POLH: variants seen among roughly 807,000 people sequenced by gnomAD.
POLH encodes DNA polymerase eta.
POLH carries 53 observed loss-of-function variants against 73.6 expected under a neutral mutation model. That is an observed-to-expected ratio of 0.72 (90% confidence interval 0.58 to 0.91). POLH has a LOEUF of 0.91. Ranked by LOEUF, POLH falls within the 40% of genes least tolerant of loss-of-function variation. POLH has a pLI of 0.00. For synonymous variants in POLH, 292 were observed against 308.5 expected (o/e 0.95, Z 0.56); for missense variants, 768 against 865.4 (o/e 0.89, Z 1.41).
chr6:43,589,220 C>T (rs1319217908), intron 4 of POLH, among the ~76,000 whole-genome samples: 1 of 152,116 alleles, frequency 6.6e-6, no homozygotes, highest in African/African-American at 2.4e-5. Flanking sequence ...TTGATGGCTT[C>T]GATGGCTGTT....
chr6:43,582,585 T>G, intron 2 of POLH, 129 bp downstream of exon 2: 1 of 920,304 alleles, frequency 1.1e-6, no homozygotes, highest in Non-Finnish European at 1.8e-6. Context: ...CAGAGCGCAG[T>G]GGCACCATCA....
Position 43,603,893 on chromosome 6 carries a change from C to T in POLH, c.766C>T (p.Arg256Cys), listed in dbSNP as rs780072273. ...LFSQMPIRKI[R>C]SLGGKLGASV... ...ATTCTTTGTCTCCTTTGTTATCAGC[C>T]GTAGTCTTGGAGGAAAGCTAGGGGC... The change falls in exon 7 of 11, where the codon CGT becomes TGT. Residue 256 changes from arginine to cysteine, a missense_variant and splice_region_variant. Transcript: ENST00000372236. 31 of 1,613,170 alleles carry T rather than the reference C, an allele frequency of 1.9e-5. No individual in the cohort carries two copies. The highest frequency in any genetic ancestry group is 3.3e-5 in the South Asian group (3 of 91,052).
At chr6:43,597,604 A>G in intron 4 of POLH, 92 bp from the exon 5 acceptor site, 1 of 1,230,548 alleles carries the variant, frequency 8.1e-7, no homozygotes, top group South Asian at 1.3e-5. Flanking sequence ...TATATGTCTA[A>G]ATACCTGTAA....
At position 43,610,660 on chromosome 6, in the gene POLH, A is replaced by C; in HGVS notation, c.1181A>C (p.Lys394Thr). ...CCALTRYDAH[K>T]MSHDAFTVIK... Reference sequence around the variant, plus strand: ...GCCCTTACCCGCTATGATGCTCACAAGATGAGCCATGATGCATTTACTGTC... The same window carrying C: ...GCCCTTACCCGCTATGATGCTCACACGATGAGCCATGATGCATTTACTGTC... The change falls in exon 10 of 11, where the codon AAG (lysine) becomes ACG (threonine). Residue 394 changes from lysine to threonine, a missense_variant. Transcript: ENST00000372236. The C allele has an allele frequency of 6.2e-7, 1 of 1,613,462 alleles. No homozygotes were observed. Among genetic ancestry groups the C allele is most frequent in the Admixed American group, 1.7e-5 (1 of 60,012 alleles).
intron 9 of POLH, among the ~76,000 whole-genome samples, chr6:43,608,250 C>T (rs775558552): frequency 2.0e-5 from 3 of 152,196 alleles, no homozygotes; most frequent in Non-Finnish European, 4.4e-5. Context: ...TTCTCCCATT[C>T]TGTGGGTTTT....
intron 3 of POLH, among the ~76,000 whole-genome samples, chr6:43,585,013 G>C (rs1282464461): frequency 6.6e-6 from 1 of 152,056 alleles, no homozygotes; most frequent in African/African-American, 2.4e-5. Context: ...AAAAAATTTA[G>C]CTAGACATGG....
At position 43,613,785 on chromosome 6, in the gene POLH, C is replaced by T. The variant is rs1280261851; in HGVS notation, c.1370C>T (p.Thr457Ile). Residue 457 changes from threonine to isoleucine, a missense_variant, in exon 11 of 11, where the codon ACC becomes ATC. Coordinates refer to ENST00000372236, the MANE Select transcript of POLH (RefSeq NM_006502.3). ...DPSSLPKVPV[T>I]SSEAKTQGSG... ...AGTTCTCTGCCAAAGGTGCCAGTTA[C>T]CAGCTCAGAAGCTAAGACCCAGGGA... 2 of 1,613,958 alleles carry T rather than the reference C, an allele frequency of 1.2e-6. No individual in the cohort carries two copies. Among genetic ancestry groups the T allele is most frequent in the Non-Finnish European group, 1.7e-6 (2 of 1,179,950 alleles).
chr6:43,578,476 G>A (rs1295485280), intron 1 of POLH: 1 of 433,450 alleles, frequency 2.3e-6, no homozygotes. Context: ...TCAAATATCA[G>A]TAGTATTTAA....
At chr6:43,603,017 T>TTTC (rs1766902325) in intron 6 of POLH, among the ~76,000 whole-genome samples, 1 of 147,856 alleles carries the variant, frequency 6.8e-6, no homozygotes, top group African/African-American at 2.5e-5. Flanking sequence ...TTTTTTTTTT[T>TTTC]TGAAACAGAG....
rs1208848737 is a variant in POLH, at chr6:43,585,637, C to CTTTTTTTTTTTTTTTTTTTTT, written c.273-1618_273-1617insTTTTTTTTTTTTTTTTTTTTT. Among the ~76,000 whole-genome samples, 55 of 107,414 alleles carry CTTTTTTTTTTTTTTTTTTTTT rather than the reference C, an allele frequency of 5.1e-4. 3 individuals are homozygous for CTTTTTTTTTTTTTTTTTTTTT. Among genetic ancestry groups the CTTTTTTTTTTTTTTTTTTTTT allele is most frequent in the African/African-American group, 2.8e-3 (51 of 18,440 alleles). 70.5% of individuals were successfully genotyped at this position (107,414 alleles called of 152,430 possible). ...GTATGAGTATATTGCTCTTTCTTTT[C>CTTTTTTTTTTTTTTTTTTTTT]TTTTTTTTTTTTTTTTTGTGGGTGG... On this transcript the variant is annotated intron_variant, in intron 3 of 10. Coordinates refer to ENST00000372236, the MANE Select transcript of POLH (RefSeq NM_006502.3).
At chr6:43,582,601 C>A (rs773356169) in intron 2 of POLH, 145 bp downstream of exon 2, 129 of 843,262 alleles carry the variant, frequency 1.5e-4, no homozygotes, top group Non-Finnish European at 2.5e-4. Context: ...CATCAGCTCA[C>A]AGCAGCTTTG....
At chr6:43,589,779 T>G (rs1765235830) in intron 4 of POLH, among the ~76,000 whole-genome samples, 1 of 151,900 alleles carries the variant, frequency 6.6e-6, no homozygotes, top group Non-Finnish European at 1.5e-5. Context: ...CACCTCAGCC[T>G]CCAGAGTAGC....
In POLH at chr6:43,617,882, T is replaced by G. The variant is rs1229945068; in HGVS notation, c.*3325T>G. On this transcript the variant is annotated 3_prime_UTR_variant, in exon 11 of 11. Transcript: ENST00000372236. ...TTGCAGTGAGCCCAGATCGTGCCAC[T>G]GCACTGCACCCTGGCGACACAGCAA... Among the ~76,000 whole-genome samples the G allele has an allele frequency of 2.6e-5, 4 of 151,798 alleles. No individual in the cohort carries two copies. Among genetic ancestry groups the G allele is most frequent in the African/African-American group, 9.7e-5 (4 of 41,296 alleles).
Position 43,616,136 on chromosome 6 carries a change from C to T in POLH, c.*1579C>T, listed in dbSNP as rs866840693. ...CTAAAAAATACAAAAAAAAATTAGC[C>T]GGGTGCGGTGGCAGGCGCCTGTAGT... On this transcript the variant is annotated 3_prime_UTR_variant, in exon 11 of 11. Coordinates refer to ENST00000372236, the MANE Select transcript of POLH (RefSeq NM_006502.3). Among the ~76,000 whole-genome samples the T allele has an allele frequency of 2.0e-4, 31 of 151,702 alleles. No homozygotes were observed. The highest frequency in any genetic ancestry group is 3.9e-4 in the Admixed American group (6 of 15,242).
intron 5 of POLH, among the ~76,000 whole-genome samples, chr6:43,598,942 TTACA>T (rs1304146974): frequency 6.6e-6 from 1 of 151,868 alleles, no homozygotes; most frequent in Non-Finnish European, 1.5e-5. Context: ...GTCTTTGCAC[TTACA>T]TACATTAATG....
chr6:43,598,424 C>T (rs563315915), intron 5 of POLH, among the ~76,000 whole-genome samples: 1 of 150,742 alleles, frequency 6.6e-6, no homozygotes, highest in Non-Finnish European at 1.5e-5. Context: ...GTCAGGAGTT[C>T]GAGACCAGCC....
rs182509807 is a variant in POLH at position 43,608,157 on chromosome 6, C to G, written c.1075-2397C>G. ...AAAATAAAAAAGAAAAAACAAAAAT[C>G]CTCTCCCCTTTTTTAAATTGGGTTG... On this transcript the variant is annotated intron_variant, in intron 9 of 10. Transcript: ENST00000372236. Among the ~76,000 whole-genome samples, 19 of 152,130 alleles carry G rather than the reference C, an allele frequency of 1.2e-4. No homozygotes were observed. In the East Asian group the frequency reaches 3.5e-3, roughly 28 times the overall value.
At chr6:43,578,535 AAGT>A (rs1465298856) in intron 1 of POLH, 1 of 346,138 alleles carries the variant, frequency 2.9e-6, no homozygotes, top group African/African-American at 2.2e-5. Flanking sequence ...AAAAAAAAAA[AAGT>A]GTCATGGTCA....
Position 43,606,114 on chromosome 6 carries a change from G to A in POLH, c.1074+795G>A, listed in dbSNP as rs562596254. ...TACATATAGTAAAATGGTTACTATA[G>A]TGTAGCAAATTAACGTATCTATCAT... On this transcript the variant is annotated intron_variant, in intron 9 of 10. Transcript: ENST00000372236. Among the ~76,000 whole-genome samples, 472 of 151,254 alleles carry A rather than the reference G, an allele frequency of 3.1e-3. 1 individual carries two copies. The highest frequency in any genetic ancestry group is 9.8e-3 in the South Asian group (47 of 4,800).
Sources: allele counts gnomAD v4.1 joint callset (sites outside exome capture counted in the v4.1 genomes callset), GRCh38; gene constraint gnomAD v4.1.1; transcripts MANE v1.5; gene names NCBI Gene and HGNC (gene_info 2026-07-23, HGNC 2026-07-21).